NR6A1: variants seen among roughly 807,000 people sequenced by gnomAD.
NR6A1 encodes retinoic acid receptor-related testis-associated receptor.
NR6A1 carries 7 observed loss-of-function variants against 59.1 expected under a neutral mutation model. The ratio of observed to expected loss-of-function variants is 0.12; its 90% confidence interval spans 0.07 to 0.22. The LOEUF is 0.22. NR6A1 is among the 10% of genes least tolerant of loss of function. The pLI, the probability that NR6A1 is intolerant of heterozygous loss-of-function variation, is 1.00. For missense variants in NR6A1, 468 were observed against 611.6 expected (o/e 0.77, Z 2.48); for synonymous variants, 243 against 236.1 (o/e 1.03, Z -0.27).
At chr9:124,739,187 CAA>C (rs914049465) in intron 1 of NR6A1, among the ~76,000 whole-genome samples, 19 of 80,444 alleles carry the variant, frequency 2.4e-4, no homozygotes, top group East Asian at 3.8e-4. Flanking sequence ...GACTCCATCT[CAA>C]AAAAAAAAAA....
At chr9:124,582,818 T>C (rs1834812612) in intron 2 of NR6A1, among the ~76,000 whole-genome samples, 1 of 151,768 alleles carries the variant, frequency 6.6e-6, no homozygotes, top group African/African-American at 2.4e-5. Flanking sequence ...AGCATAAGAG[T>C]TCAAGGTTGC....
At chr9:124,703,281 T>C (rs748337816) in intron 2 of NR6A1, among the ~76,000 whole-genome samples, 6 of 146,034 alleles carry the variant, frequency 4.1e-5, no homozygotes, top group Non-Finnish European at 8.9e-5. Context: ...GGCACAATCA[T>C]AGCGTACTGC....
At chr9:124,623,570 C>T (rs1233723521) in intron 2 of NR6A1, among the ~76,000 whole-genome samples, 2 of 151,056 alleles carry the variant, frequency 1.3e-5, no homozygotes, top group Admixed American at 1.3e-4. Context: ...CTCTGTTTCC[C>T]AGGCTGGTCT....
At chr9:124,568,169 C>CAAAAAAA (rs34652433) in intron 2 of NR6A1, among the ~76,000 whole-genome samples, 7 of 30,444 alleles carry the variant, frequency 2.3e-4, no homozygotes, top group East Asian at 1.1e-3. Context: ...TACTTCATCT[C>CAAAAAAA]AAAAAAAAAA....
At chr9:124,673,158 G>C (rs1345211557) in intron 2 of NR6A1, among the ~76,000 whole-genome samples, 9 of 151,992 alleles carry the variant, frequency 5.9e-5, no homozygotes, top group African/African-American at 2.2e-4. Flanking sequence ...TCCATCTCCA[G>C]AAAAAATACA....
At chr9:124,602,218 T>A (rs893410209) in intron 2 of NR6A1, among the ~76,000 whole-genome samples, 3 of 152,188 alleles carry the variant, frequency 2.0e-5, no homozygotes, top group African/African-American at 7.2e-5. Context: ...GATTATAACA[T>A]GAATAAATAA....
intron 3 of NR6A1, among the ~76,000 whole-genome samples, chr9:124,549,987 T>C (rs752547188): frequency 2.0e-5 from 3 of 152,238 alleles, no homozygotes; most frequent in Admixed American, 6.5e-5. Flanking sequence ...CCTTGTTTTT[T>C]TGTGACTTTG....
rs752399467 is a variant in NR6A1, at chr9:124,582,133, T to C, written c.143-27563A>G. ...AAAGACATATGTACATGTACATTCA[T>C]TGCAGTACTATTCACAATAGCAAAG... On this transcript the variant is annotated intron_variant, in intron 2 of 9. Transcript: ENST00000487099. Among the ~76,000 whole-genome samples the C allele has an allele frequency of 7.9e-5, 12 of 152,212 alleles. 1 individual carries two copies. The highest frequency in any genetic ancestry group is 2.0e-4 in the Admixed American group (3 of 15,280).
At chr9:124,626,268 A>G (rs1836238660) in intron 2 of NR6A1, among the ~76,000 whole-genome samples, 1 of 152,146 alleles carries the variant, frequency 6.6e-6, no homozygotes, top group Non-Finnish European at 1.5e-5. Context: ...GGCCTCCCAA[A>G]GTGCTGGGAT....
At chr9:124,703,348 G>A (rs1839024039) in intron 2 of NR6A1, among the ~76,000 whole-genome samples, 1 of 150,966 alleles carries the variant, frequency 6.6e-6, no homozygotes. Flanking sequence ...AAGTAGCAAG[G>A]ACTACAGGCA....
chr9:124,671,017 C>T (rs1035166213), intron 2 of NR6A1, among the ~76,000 whole-genome samples: 2 of 152,018 alleles, frequency 1.3e-5, no homozygotes, highest in Admixed American at 6.6e-5. Context: ...AATCACAAAA[C>T]GACACATACT....
chr9:124,733,482 C>T, intron 1 of NR6A1, 133 bp from the exon 2 acceptor site: 1 of 687,090 alleles, frequency 1.5e-6, no homozygotes, highest in Non-Finnish European at 2.6e-6. Context: ...CTAGCTCTAA[C>T]ATTTAGCTAC....
At chr9:124,608,889 G>C (rs1254192868) in intron 2 of NR6A1, among the ~76,000 whole-genome samples, 2 of 152,304 alleles carry the variant, frequency 1.3e-5, no homozygotes, top group South Asian at 2.1e-4. Flanking sequence ...TTTCTCTAAT[G>C]ATCAGTGATG....
At chr9:124,593,145 A>T (rs1835175415) in intron 2 of NR6A1, among the ~76,000 whole-genome samples, 1 of 152,200 alleles carries the variant, frequency 6.6e-6, no homozygotes, top group Non-Finnish European at 1.5e-5. Flanking sequence ...ATGTGGCACG[A>T]TATCACAACT....
At chr9:124,724,787 A>G (rs1242598410) in intron 2 of NR6A1, among the ~76,000 whole-genome samples, 6 of 152,358 alleles carry the variant, frequency 3.9e-5, no homozygotes, top group Non-Finnish European at 7.3e-5. Flanking sequence ...CTATCTGGCC[A>G]GTAACCGAAC....
intron 2 of NR6A1, among the ~76,000 whole-genome samples, chr9:124,638,989 G>GTA (rs148212643): frequency 0.01 from 1,567 of 152,318 alleles, 28 homozygotes; most frequent in African/African-American, 0.035. Flanking sequence ...ACATAGGTAA[G>GTA]TATAACACAG....
At position 124,633,272 on chromosome 9, in the gene NR6A1, G is replaced by A. The variant is rs141264635; in HGVS notation, c.143-78702C>T. ...ACAAAAATTAGCCGGGCATGGTGGCGCGCGCCTGTAGTCCCAGCTACACGG... is the reference window on the plus strand; with the variant it reads ...ACAAAAATTAGCCGGGCATGGTGGCACGCGCCTGTAGTCCCAGCTACACGG... On this transcript the variant is annotated intron_variant, in intron 2 of 9. Transcript: ENST00000487099. 6.1e-3 allele frequency among the ~76,000 whole-genome samples: 920 copies of A among 151,786 alleles called. 8 individuals carry two copies. Among genetic ancestry groups the A allele is most frequent in the African/African-American group, 0.019 (806 of 41,370 alleles).
intron 2 of NR6A1, among the ~76,000 whole-genome samples, chr9:124,646,366 GCTAA>G: frequency 6.6e-6 from 1 of 151,924 alleles, no homozygotes; most frequent in Non-Finnish European, 1.5e-5. Context: ...CTCTAGCAAG[GCTAA>G]CTAACGAAAA....
intron 2 of NR6A1, chr9:124,595,627 CT>C: frequency 2.2e-6 from 1 of 454,930 alleles, no homozygotes; most frequent in South Asian, 1.6e-5. Context: ...TAGCTGAACT[CT>C]GCGAAGACAC....
Sources: gnomAD v4.1 joint callset for allele counts (sites outside exome capture counted in the v4.1 genomes callset) on GRCh38, gnomAD v4.1.1 for gene constraint, MANE v1.5 for transcripts, NCBI Gene and HGNC (gene_info 2026-07-23, HGNC 2026-07-21) for gene names.